DOCK3: variants seen among roughly 807,000 people sequenced by gnomAD.
DOCK3 encodes dedicator of cytokinesis protein 3.
A neutral mutation model predicts 265.6 loss-of-function variants in DOCK3; 60 were observed. The ratio of observed to expected loss-of-function variants is 0.23; its 90% CI spans 0.18 to 0.28. The LOEUF is 0.28. Among genes scored for constraint, DOCK3 ranks in the 10% least tolerant of loss-of-function variants. DOCK3 has a pLI of 1.00. For missense variants in DOCK3, 1,981 were observed against 2,594.3 expected (o/e 0.76, Z 5.14); for synonymous variants, 881 against 938.0 (o/e 0.94, Z 1.11).
At chr3:51,175,265 G>A (rs1353261855) in intron 12 of DOCK3, among the ~76,000 whole-genome samples, 1 of 152,152 alleles carries the variant, frequency 6.6e-6, no homozygotes, top group South Asian at 2.1e-4. Flanking sequence ...AGGTTATCAG[G>A]CCACTTTAAG....
intron 1 of DOCK3, among the ~76,000 whole-genome samples, chr3:50,758,475 T>C (rs1484289176): frequency 6.6e-6 from 1 of 152,142 alleles, no homozygotes; most frequent in Non-Finnish European, 1.5e-5. Flanking sequence ...TAATTAAATT[T>C]ATAGTTTTAA....
chr3:50,880,382 A>T (rs1009262136), intron 3 of DOCK3, among the ~76,000 whole-genome samples: 2 of 152,198 alleles, frequency 1.3e-5, no homozygotes, highest in Admixed American at 6.5e-5. Context: ...ACCACTAGCA[A>T]GTCTGATAAA....
chr3:51,115,239 G>A (rs1226921482), intron 9 of DOCK3, among the ~76,000 whole-genome samples: 4 of 152,126 alleles, frequency 2.6e-5, no homozygotes, highest in Admixed American at 2.0e-4. Flanking sequence ...CCCAATGGTT[G>A]AACTACTTTA....
chr3:51,159,396 T>C, intron 11 of DOCK3, 92 bp downstream of exon 11: 1 of 1,175,954 alleles, frequency 8.5e-7, no homozygotes, highest in East Asian at 2.4e-5. Flanking sequence ...TCCCTAGATC[T>C]TACCTGTAAT....
intron 6 of DOCK3, among the ~76,000 whole-genome samples, chr3:51,074,216 T>G: frequency 6.6e-6 from 1 of 152,088 alleles, no homozygotes; most frequent in Non-Finnish European, 1.5e-5. Context: ...TTACAGACCC[T>G]CTCCTCAGAA....
At chr3:51,218,672 G>A (rs2089926946) in intron 14 of DOCK3, among the ~76,000 whole-genome samples, 1 of 152,190 alleles carries the variant, frequency 6.6e-6, no homozygotes, top group Non-Finnish European at 1.5e-5. Flanking sequence ...ATCATTGATT[G>A]TAGGTGATAT....
chr3:50,797,518 C>T (rs925282930), intron 2 of DOCK3, among the ~76,000 whole-genome samples: 1 of 152,198 alleles, frequency 6.6e-6, no homozygotes, highest in African/African-American at 2.4e-5. Context: ...CAGCACCTTT[C>T]CAGCTAAATG....
At chr3:50,776,052 T>A (rs2041577218) in intron 1 of DOCK3, among the ~76,000 whole-genome samples, 1 of 152,210 alleles carries the variant, frequency 6.6e-6, no homozygotes, top group South Asian at 2.1e-4. Context: ...TAAATATGCA[T>A]GTGGATGTGT....
intron 5 of DOCK3, among the ~76,000 whole-genome samples, chr3:51,039,883 C>CTTTTT: frequency 1.0e-5 from 1 of 99,858 alleles, no homozygotes; most frequent in Non-Finnish European, 2.0e-5. Flanking sequence ...GCTTTGAGGT[C>CTTTTT]TTTTTTTTTT....
intron 4 of DOCK3, among the ~76,000 whole-genome samples, chr3:50,906,480 G>C (rs558214789): frequency 6.6e-6 from 1 of 152,076 alleles, no homozygotes; most frequent in Non-Finnish European, 1.5e-5. Flanking sequence ...CTTCTTCCTG[G>C]TTTAGTCTTG....
chr3:51,046,013 A>G (rs1231770977), intron 5 of DOCK3, among the ~76,000 whole-genome samples: 1 of 152,184 alleles, frequency 6.6e-6, no homozygotes, highest in Non-Finnish European at 1.5e-5. Context: ...TGGAAGTAAC[A>G]TTGTTATCAG....
chr3:51,327,995 CTTTG>C (rs1477116059), intron 32 of DOCK3, among the ~76,000 whole-genome samples: 2 of 152,100 alleles, frequency 1.3e-5, no homozygotes, highest in Non-Finnish European at 2.9e-5. Context: ...TCACCAGCTT[CTTTG>C]CCTAATACAA....
At position 51,314,857 on chromosome 3, in the gene DOCK3, G is replaced by A. The variant is rs1171982602; in HGVS notation, c.3254-123G>A. The A allele has an allele frequency of 7.6e-6, 9 of 1,189,264 alleles. No homozygotes were observed. In the African/African-American group the frequency reaches 9.6e-5, roughly 13 times the overall value. 73.7% of individuals were successfully genotyped at this position (1,189,264 alleles called of 1,614,324 possible). On this transcript the variant is annotated intron_variant, in intron 31 of 52. Transcript: ENST00000266037. Reference sequence around the variant, plus strand: ...GGAGAGTACCTCAGAAAACCATAGGGGAGAGCTTGTTTTGCTCTCAGAAGC... The same window carrying A: ...GGAGAGTACCTCAGAAAACCATAGGAGAGAGCTTGTTTTGCTCTCAGAAGC...
intron 35 of DOCK3, among the ~76,000 whole-genome samples, chr3:51,337,107 C>T (rs747434563): frequency 2.6e-5 from 4 of 152,158 alleles, no homozygotes; most frequent in African/African-American, 4.8e-5. Context: ...AAATATCTTA[C>T]GTGGTGAATG....
chr3:51,314,928 T>C (rs2083285433), intron 31 of DOCK3, 52 bp from the exon 32 acceptor site: 5 of 1,525,768 alleles, frequency 3.3e-6, no homozygotes, highest in Non-Finnish European at 4.4e-6. Flanking sequence ...TTTGGGAATC[T>C]TCCATGGAAG....
At chr3:51,240,695 C>G (rs148332303) in intron 21 of DOCK3, among the ~76,000 whole-genome samples, 253 of 152,224 alleles carry the variant, frequency 1.7e-3, no homozygotes, top group Non-Finnish European at 3.1e-3. Context: ...CCTTCTTTGT[C>G]TTTTGCAGTC....
intron 49 of DOCK3, among the ~76,000 whole-genome samples, chr3:51,369,677 G>A (rs902933494): frequency 6.6e-6 from 1 of 152,204 alleles, no homozygotes; most frequent in African/African-American, 2.4e-5. Flanking sequence ...CACAGTAGGA[G>A]TGATGGAGAG....
intron 2 of DOCK3, among the ~76,000 whole-genome samples, chr3:50,834,065 A>C (rs549075886): frequency 3.3e-5 from 5 of 152,020 alleles, no homozygotes; most frequent in African/African-American, 1.2e-4. Context: ...AGTTTAATCC[A>C]TGCAGTTAAC....
At chr3:50,725,081 A>G (rs1197152911) in intron 1 of DOCK3, among the ~76,000 whole-genome samples, 1 of 152,226 alleles carries the variant, frequency 6.6e-6, no homozygotes, top group Admixed American at 6.5e-5. Flanking sequence ...AGGAAACTCA[A>G]CTGCATCACC....
Sources: allele counts gnomAD v4.1 joint callset (sites outside exome capture counted in the v4.1 genomes callset), GRCh38; gene constraint gnomAD v4.1.1; transcripts MANE v1.5; gene names NCBI Gene and HGNC (gene_info 2026-07-23, HGNC 2026-07-21).